RAD21: variants seen among roughly 807,000 people sequenced by gnomAD.
RAD21 encodes the protein double-strand-break repair protein rad21 homolog.
RAD21 carries 18 observed loss-of-function variants against 71.5 expected under a neutral mutation model. The observed-to-expected ratio is 0.25, with a 90% confidence interval of 0.17 to 0.37. The LOEUF is 0.37. Among genes scored for constraint, RAD21 ranks in the 10% least tolerant of loss-of-function variants. The pLI is 1.00. For missense variants in RAD21, 493 were observed against 769.1 expected, an observed-to-expected ratio of 0.64 and a Z score of 4.25; for synonymous variants, 248 against 254.0, an observed-to-expected ratio of 0.98 and a Z score of 0.22.
intron 12 of RAD21, among the ~76,000 whole-genome samples, chr8:116,850,321 A>C (rs933296252): frequency 6.6e-6 from 1 of 152,214 alleles, no homozygotes; most frequent in Non-Finnish European, 1.5e-5. Context: ...TCGTCCACTG[A>C]CCACAAGATA....
intron 2 of RAD21, among the ~76,000 whole-genome samples, chr8:116,865,767 C>T (rs1812677479): frequency 2.0e-5 from 3 of 152,014 alleles, no homozygotes; most frequent in South Asian, 4.1e-4. Flanking sequence ...TGTGTATATA[C>T]ATAAAAACTA....
intron 11 of RAD21, 93 bp downstream of exon 11, chr8:116,851,855 A>T (rs1586263876): frequency 7.3e-7 from 1 of 1,377,768 alleles, no homozygotes; most frequent in East Asian, 2.3e-5. Context: ...TTCTGTCAAA[A>T]CCAAGATACT....
chr8:116,859,051 C>G (rs1812529664), intron 4 of RAD21, among the ~76,000 whole-genome samples: 1 of 142,766 alleles, frequency 7.0e-6, no homozygotes, highest in South Asian at 2.3e-4. Context: ...TAAGCTATAT[C>G]AACCAGATGC....
At chr8:116,858,140 T>C (rs994856135) in intron 5 of RAD21, among the ~76,000 whole-genome samples, 8 of 152,322 alleles carry the variant, frequency 5.3e-5, no homozygotes, top group South Asian at 2.1e-4. Flanking sequence ...GGTTCTATGA[T>C]TGCATATAGG....
chr8:116,859,667 C>T (rs1264778298), intron 4 of RAD21, among the ~76,000 whole-genome samples: 1 of 152,014 alleles, frequency 6.6e-6, no homozygotes, highest in Non-Finnish European at 1.5e-5. Context: ...CCCACCCCCG[C>T]AATGTTTCTC....
intron 2 of RAD21, among the ~76,000 whole-genome samples, chr8:116,864,772 T>C (rs1812658457): frequency 6.6e-6 from 1 of 152,182 alleles, no homozygotes; most frequent in Non-Finnish European, 1.5e-5. Context: ...TGGATTAGTC[T>C]GGTTCAGAGT....
At position 116,854,473 on chromosome 8, in the gene RAD21, AATG is replaced by A; in HGVS notation, c.938-8_938-6del. ...TCTTGGCTTTTGTTTCTTTAACTGG[AATG>A]ATAATAAAAAATAAGATCATTTTCC... On this transcript the variant is annotated splice_polypyrimidine_tract_variant and splice_region_variant and intron_variant, in intron 8 of 13. Coordinates refer to ENST00000297338, the MANE Select transcript of RAD21 (RefSeq NM_006265.3). The A allele has an allele frequency of 6.2e-7, 1 of 1,603,932 alleles. No individual in the cohort carries two copies. The highest frequency in any genetic ancestry group is 8.5e-7 in the Non-Finnish European group (1 of 1,171,420).
At chr8:116,863,577 G>C (rs1812632356) in intron 2 of RAD21, among the ~76,000 whole-genome samples, 1 of 152,092 alleles carries the variant, frequency 6.6e-6, no homozygotes, top group African/African-American at 2.4e-5. Context: ...GATTTTGTTT[G>C]AGAAGCAAAT....
chr8:116,854,693 T>C (rs1259019320), intron 8 of RAD21, among the ~76,000 whole-genome samples: 2 of 152,124 alleles, frequency 1.3e-5, no homozygotes, highest in Non-Finnish European at 2.9e-5. Flanking sequence ...TGAATGAGTA[T>C]GTATAGACTT....
intron 1 of RAD21, chr8:116,874,241 C>G (rs952196633): frequency 6.6e-6 from 1 of 152,190 alleles, no homozygotes; most frequent in African/African-American, 2.4e-5. Flanking sequence ...AGAGCGGGCT[C>G]GTTCAAACCT....
Position 116,850,719 on chromosome 8 carries a change from C to T in RAD21, c.1519G>A (p.Glu507Lys). Residue 507 changes from glutamate (E) to lysine (K), a missense_variant, in exon 12 of 14, where the codon GAA becomes AAA. Physicochemically the swap from Glu to Lys is moderately conservative, Grantham distance 56. Transcript: ENST00000297338. ...MEIPPVELPPEEPPNICQLIP... is the reference protein window; with the variant it reads ...MEIPPVELPPKEPPNICQLIP... ...AGCTGACAGATATTTGGAGGTTCTT[C>T]TGGGGGAAGCTCTACAGGTGGTATT... 6.2e-7 allele frequency: 1 copy of T among 1,613,468 alleles called. No homozygotes were observed.
chr8:116,856,291 G>GT lies in RAD21; in HGVS notation c.815-4dup, dbSNP rs1248256257. The GT allele has an allele frequency of 3.9e-6, 3 of 761,768 alleles. No individual in the cohort carries two copies. The highest frequency in any genetic ancestry group is 5.1e-6 in the Non-Finnish European group (3 of 593,620). The allele number at this position is 761,768 out of a possible 1,614,324, so 47.2% of individuals were successfully genotyped here. A position where few individuals can be genotyped will look rare whatever the true frequency, so the allele number is the denominator to read the frequency against. ...ATCAGGACTATCAGGCCCACCCACTGTAAAAAAAAAAAAAAAAAAAAAAAG... is the reference window on the plus strand; with the variant it reads ...ATCAGGACTATCAGGCCCACCCACTGTTAAAAAAAAAAAAAAAAAAAAAAAG... On this transcript the variant is annotated splice_polypyrimidine_tract_variant and splice_region_variant and intron_variant, in intron 7 of 13. Coordinates refer to ENST00000297338, the MANE Select transcript of RAD21 (RefSeq NM_006265.3).
In RAD21 at chr8:116,847,335, G is replaced by T. The variant is rs1379119233; in HGVS notation, c.*165C>A. ...CATCTAATCAGTTTCCCTCAAAGAT[G>T]AAATTGACAAATTTAATGTACTGGA... On this transcript the variant is annotated 3_prime_UTR_variant, in exon 14 of 14. Coordinates refer to ENST00000297338, the MANE Select transcript of RAD21 (RefSeq NM_006265.3). The T allele has an allele frequency of 3.4e-6, 2 of 585,580 alleles. No homozygotes were observed. Among genetic ancestry groups the T allele is most frequent in the African/African-American group, 3.8e-5 (2 of 52,776 alleles). The allele number at this position is 585,580 out of a possible 1,614,324, so 36.3% of individuals were successfully genotyped here.
In RAD21 at chr8:116,847,165, G is replaced by T; in HGVS notation, c.*335C>A. 1 of 259,926 alleles carries T rather than the reference G, an allele frequency of 3.8e-6. No homozygotes were observed. The allele number at this position is 259,926 out of a possible 1,614,324, so 16.1% of individuals were successfully genotyped here. On this transcript the variant is annotated 3_prime_UTR_variant, in exon 14 of 14. Transcript: ENST00000297338. ...AGGTTTTCCTTTTCAATGCAGTAAT[G>T]AAGAACTAAGATAAAAATCATGACT... is the stretch of plus-strand genomic sequence containing the variant.
chr8:116,855,708 G>T (rs907133126), intron 8 of RAD21, among the ~76,000 whole-genome samples: 7 of 149,476 alleles, frequency 4.7e-5, no homozygotes, highest in Non-Finnish European at 8.9e-5. Flanking sequence ...CTCTAGTTTT[G>T]TTTTTTTTTT....
At chr8:116,864,797 G>C (rs1184774849) in intron 2 of RAD21, among the ~76,000 whole-genome samples, 1 of 152,064 alleles carries the variant, frequency 6.6e-6, no homozygotes, top group Admixed American at 6.6e-5. Flanking sequence ...CCTAGGAGTA[G>C]GTAAAATGAG....
chr8:116,872,095 A>G (rs2130494874), intron 1 of RAD21, among the ~76,000 whole-genome samples: 1 of 152,354 alleles, frequency 6.6e-6, no homozygotes, highest in South Asian at 2.1e-4. Context: ...CAATAATAAA[A>G]AATACTACTA....
chr8:116,872,535 T>TACAC (rs1242508403), intron 1 of RAD21, among the ~76,000 whole-genome samples: 3 of 127,304 alleles, frequency 2.4e-5, no homozygotes, highest in African/African-American at 6.1e-5. Flanking sequence ...TATATATATA[T>TACAC]ACATACACAC....
intron 1 of RAD21, among the ~76,000 whole-genome samples, chr8:116,872,988 C>A (rs1451864181): frequency 1.3e-5 from 2 of 152,166 alleles, no homozygotes; most frequent in Non-Finnish European, 2.9e-5. Flanking sequence ...GGATAATATT[C>A]ATCAAAAAAG....
Sources: gnomAD v4.1 joint callset for allele counts (sites outside exome capture counted in the v4.1 genomes callset) on GRCh38, gnomAD v4.1.1 for gene constraint, MANE v1.5 for transcripts, NCBI Gene and HGNC (gene_info 2026-07-23, HGNC 2026-07-21) for gene names.